The following PRDM5 variants were observed in gnomAD, a reference collection of about 807,000 sequenced individuals.
PRDM5 encodes the protein PR/SET domain 5.
PRDM5 carries 56 observed loss-of-function variants against 81.2 expected under a neutral mutation model. The observed-to-expected ratio is 0.69, with a 90% confidence interval of 0.56 to 0.86. The LOEUF is 0.86. Among genes scored for constraint, PRDM5 ranks in the 40% least tolerant of loss-of-function variants. The probability of loss-of-function intolerance (pLI) is 0.00; values close to 1 mark genes in which losing one functional copy is unlikely to be tolerated. For synonymous variants in PRDM5, 267 were observed against 256.4 expected, an observed-to-expected ratio of 1.04 and a Z score of -0.39; for missense variants, 697 against 770.1, an observed-to-expected ratio of 0.91 and a Z score of 1.12.
At position 120,725,651 on chromosome 4, in the gene PRDM5, AC is replaced by A; in HGVS notation, c.1624-15239del. 2.0e-5 allele frequency among the ~76,000 whole-genome samples: 3 copies of A among 152,170 alleles called. No individual in the cohort carries two copies. The Middle Eastern group carries it at 0.01, about 518-fold the overall frequency. On this transcript the variant is annotated intron_variant, in intron 14 of 15. Coordinates refer to ENST00000264808, the MANE Select transcript of PRDM5 (RefSeq NM_018699.4). Reference sequence around the variant, plus strand: ...CTGGTTTTAGCCCTGAAAATCCTACACCCTGGGTAACCCCTCCATTTGGTGC... The same window carrying A: ...CTGGTTTTAGCCCTGAAAATCCTACACCTGGGTAACCCCTCCATTTGGTGC...
chr4:120,879,213 A>T (rs937546800), intron 2 of PRDM5, among the ~76,000 whole-genome samples: 2 of 152,214 alleles, frequency 1.3e-5, no homozygotes, highest in Non-Finnish European at 2.9e-5. Flanking sequence ...TTCAATAATA[A>T]AAATAAGTGA....
At chr4:120,704,459 G>A (rs1735819882) in intron 15 of PRDM5, among the ~76,000 whole-genome samples, 1 of 152,112 alleles carries the variant, frequency 6.6e-6, no homozygotes, top group African/African-American at 2.4e-5. Context: ...AGTGCATTAG[G>A]AAAATATTTA....
intron 2 of PRDM5, among the ~76,000 whole-genome samples, chr4:120,882,155 A>G (rs377486640): frequency 1.3e-5 from 2 of 152,304 alleles, no homozygotes; most frequent in East Asian, 3.9e-4. Context: ...AAGCACAGCA[A>G]TGGTGCCAGG....
At chr4:120,898,326 G>A (rs901398566) in intron 2 of PRDM5, among the ~76,000 whole-genome samples, 3 of 152,120 alleles carry the variant, frequency 2.0e-5, no homozygotes, top group South Asian at 2.1e-4. Flanking sequence ...AATCTGCCAC[G>A]CAGCTTCATA....
chr4:120,716,810 G>A (rs746275478), intron 14 of PRDM5, among the ~76,000 whole-genome samples: 4 of 152,120 alleles, frequency 2.6e-5, no homozygotes, highest in Non-Finnish European at 4.4e-5. Context: ...GAGGTCATAG[G>A]CCACTCACCT....
At chr4:120,791,530 C>T (rs1380184593) in intron 10 of PRDM5, among the ~76,000 whole-genome samples, 1 of 152,224 alleles carries the variant, frequency 6.6e-6, no homozygotes, top group Non-Finnish European at 1.5e-5. Context: ...AAAGAGGTGC[C>T]TTCTATGGTA....
chr4:120,879,102 G>A (rs1762596422), intron 2 of PRDM5, among the ~76,000 whole-genome samples: 1 of 152,118 alleles, frequency 6.6e-6, no homozygotes. Context: ...AATAATTATA[G>A]CAGTTTTGTT....
intron 2 of PRDM5, among the ~76,000 whole-genome samples, chr4:120,879,505 G>A (rs1762631185): frequency 6.6e-6 from 1 of 152,100 alleles, no homozygotes; most frequent in South Asian, 2.1e-4. Flanking sequence ...AGGTGACAAG[G>A]ATGAAGACCT....
chr4:120,738,024 A>T (rs1264013039), intron 14 of PRDM5, among the ~76,000 whole-genome samples: 1 of 152,254 alleles, frequency 6.6e-6, no homozygotes, highest in Non-Finnish European at 1.5e-5. Context: ...CACAACCTAA[A>T]AAGGAGAAAC....
chr4:120,805,313 TC>T (rs1320605894), intron 8 of PRDM5, among the ~76,000 whole-genome samples: 2 of 152,092 alleles, frequency 1.3e-5, no homozygotes, highest in African/African-American at 4.8e-5. Flanking sequence ...ACTATTCCAA[TC>T]AATAGAAAAA....
intron 14 of PRDM5, among the ~76,000 whole-genome samples, chr4:120,715,036 A>G (rs1164722810): frequency 6.6e-6 from 1 of 152,146 alleles, no homozygotes; most frequent in African/African-American, 2.4e-5. Flanking sequence ...TTTTATTTTG[A>G]GCATAGCATT....
At chr4:120,842,068 G>A (rs1033583032) in intron 3 of PRDM5, among the ~76,000 whole-genome samples, 2 of 152,158 alleles carry the variant, frequency 1.3e-5, no homozygotes, top group African/African-American at 4.8e-5. Context: ...TTTTCTGAGT[G>A]AGTCCAGACT....
Position 120,922,533 on chromosome 4 carries a change from C to G in PRDM5, c.76G>C (p.Ala26Pro). 6.2e-7 allele frequency: 1 copy of G among 1,607,822 alleles called. No individual in the cohort carries two copies. The highest frequency in any genetic ancestry group is 8.5e-7 in the Non-Finnish European group (1 of 1,177,788). ...RVQDGMGLYTARRVRKGEKFG... is the reference protein window; with the variant it reads ...RVQDGMGLYTPRRVRKGEKFG... Reference sequence around the variant, plus strand: ...TCACCCACCTTTCGCACTCTGCGGGCCGTGTAGAGCCCCATGCCGTCCTGA... The same window carrying G: ...TCACCCACCTTTCGCACTCTGCGGGGCGTGTAGAGCCCCATGCCGTCCTGA... Residue 26 changes from alanine to proline, a missense_variant, in exon 1 of 16, where the codon GCC becomes CCC. This residue lies in a region of PRDM5 where 577 missense variants were observed against 606.7 expected (regional missense o/e 0.95). Coordinates refer to ENST00000264808, the MANE Select transcript of PRDM5 (RefSeq NM_018699.4).
intron 14 of PRDM5, among the ~76,000 whole-genome samples, chr4:120,723,766 T>G (rs577141880): frequency 2.8e-4 from 42 of 152,218 alleles, no homozygotes; most frequent in African/African-American, 9.9e-4. Context: ...ACATTCAGAA[T>G]GGAAGTCAAC....
intron 3 of PRDM5, among the ~76,000 whole-genome samples, chr4:120,844,564 T>C (rs1758434415): frequency 1.3e-5 from 2 of 152,180 alleles, no homozygotes; most frequent in South Asian, 4.1e-4. Context: ...CATACGTATA[T>C]AGTGGCAAGC....
rs780269952 is a variant in PRDM5, at chr4:120,694,391, T to TA, written c.*719dup. ...GATGGTCATTTTTGTGTAGAACTTA[T>TA]AAAAGTATTCCAGACCATGAATGTC... On this transcript the variant is annotated 3_prime_UTR_variant, in exon 16 of 16. Transcript: ENST00000264808. 2.0e-5 allele frequency: 3 copies of TA among 152,156 alleles called. No individual in the cohort carries two copies. Among genetic ancestry groups the TA allele is most frequent in the African/African-American group, 7.2e-5 (3 of 41,442 alleles). 9.4% of individuals were successfully genotyped at this position (152,156 alleles called of 1,614,324 possible).
intron 10 of PRDM5, among the ~76,000 whole-genome samples, chr4:120,788,426 T>C (rs1021426833): frequency 5.3e-5 from 8 of 152,270 alleles, no homozygotes; most frequent in South Asian, 2.1e-4. Flanking sequence ...GGAAAGACAG[T>C]GATATTTGAC....
At chr4:120,840,981 G>A (rs1757965648) in intron 3 of PRDM5, among the ~76,000 whole-genome samples, 1 of 152,166 alleles carries the variant, frequency 6.6e-6, no homozygotes. Flanking sequence ...TGGGTCTACG[G>A]CACAGGGGTT....
chr4:120,799,622 T>C, intron 9 of PRDM5, 39 bp downstream of exon 9: 1 of 1,602,246 alleles, frequency 6.2e-7, no homozygotes, highest in Non-Finnish European at 8.5e-7. Flanking sequence ...AATTTTTTTG[T>C]AATGATATCA....
Sources: allele counts gnomAD v4.1 joint callset (sites outside exome capture counted in the v4.1 genomes callset), GRCh38; gene constraint gnomAD v4.1.1; regional missense constraint gnomAD v4.1.1; transcripts MANE v1.5; gene names NCBI Gene and HGNC (gene_info 2026-07-23, HGNC 2026-07-21).